Variants in GALNT18 observed in about 807,000 individuals in gnomAD.
GALNT18 encodes GalNAc-transferase 18.
In GALNT18, 44 loss-of-function variants were observed where a neutral mutation model predicts 69.5. The observed-to-expected ratio is 0.63, with a 90% CI of 0.50 to 0.81. The LOEUF is 0.81. Among genes scored for constraint, GALNT18 ranks in the 40% least tolerant of loss-of-function variants. GALNT18 has a pLI of 0.00. For synonymous variants in GALNT18, 364 were observed against 318.2 expected (o/e 1.14, Z -1.53); for missense variants, 715 against 810.0 (o/e 0.88, Z 1.42).
rs1211285052 is a variant in GALNT18 at position 11,463,826 on chromosome 11, GAAA to G, written c.236-14893_236-14891del. On this transcript the variant is annotated intron_variant, in intron 1 of 10. Coordinates refer to ENST00000227756, the MANE Select transcript of GALNT18 (RefSeq NM_198516.3). This position sits in a 1 kb window ranked among gnomAD's most constrained non-coding sequence, Gnocchi z 4.2. ...AAAATATTTATCACATGAAAGATGT[GAAA>G]CCTTTATGCTGTCTCGACGCTCTGT... Among the ~76,000 whole-genome samples, 4 of 152,174 alleles carry G rather than the reference GAAA, an allele frequency of 2.6e-5. No homozygotes were observed. Among genetic ancestry groups the G allele is most frequent in the African/African-American group, 9.7e-5 (4 of 41,448 alleles).
chr11:11,560,127 GATGGGATAGA>G (rs1858449816), intron 1 of GALNT18, among the ~76,000 whole-genome samples: 1 of 151,136 alleles, frequency 6.6e-6, no homozygotes, highest in African/African-American at 2.4e-5. Context: ...AATGGGATGG[GATGGGATAGA>G]ATAGAATGGG....
chr11:11,491,811 C>T (rs554747568), intron 1 of GALNT18, among the ~76,000 whole-genome samples: 10 of 152,170 alleles, frequency 6.6e-5, no homozygotes, highest in South Asian at 4.1e-4. Context: ...CACAGAGGTG[C>T]GGACGGGGAC....
intron 3 of GALNT18, among the ~76,000 whole-genome samples, chr11:11,414,185 G>C (rs188571310): frequency 2.6e-5 from 4 of 152,220 alleles, no homozygotes; most frequent in African/African-American, 9.6e-5. Flanking sequence ...CAGCCTCCCA[G>C]ATGATTTTCC....
At chr11:11,560,592 C>A (rs965746539) in intron 1 of GALNT18, among the ~76,000 whole-genome samples, 5 of 152,206 alleles carry the variant, frequency 3.3e-5, no homozygotes, top group Non-Finnish European at 4.4e-5. Flanking sequence ...TGGAAGGGCG[C>A]TGTCCCCACA....
At chr11:11,520,777 C>A (rs529189315) in intron 1 of GALNT18, among the ~76,000 whole-genome samples, 2 of 152,198 alleles carry the variant, frequency 1.3e-5, no homozygotes, top group Non-Finnish European at 2.9e-5. Context: ...GGAACCCCTT[C>A]CTGGTCAGGC....
In GALNT18 at chr11:11,315,667, C is replaced by A. The variant is rs1034260073; in HGVS notation, c.1512+11419G>T. 6.6e-6 allele frequency among the ~76,000 whole-genome samples: 1 copy of A among 152,186 alleles called. No individual in the cohort carries two copies. Among genetic ancestry groups the A allele is most frequent in the Non-Finnish European group, 1.5e-5 (1 of 68,040 alleles). On this transcript the variant is annotated intron_variant, in intron 9 of 10. Coordinates refer to ENST00000227756, the MANE Select transcript of GALNT18 (RefSeq NM_198516.3). This position sits in a 1 kb window ranked among gnomAD's most constrained non-coding sequence, Gnocchi z 5.6. ...ATCATGGCATACAGGCCATCACATCCCTCACAATCATTCAGTGATGTGCAA... is the reference window on the plus strand; with the variant it reads ...ATCATGGCATACAGGCCATCACATCACTCACAATCATTCAGTGATGTGCAA...
At chr11:11,390,305 ATTC>A (rs996319760) in intron 3 of GALNT18, among the ~76,000 whole-genome samples, 3 of 152,144 alleles carry the variant, frequency 2.0e-5, no homozygotes, top group Non-Finnish European at 4.4e-5. Context: ...CACCTGGAAC[ATTC>A]TTCTCGCCTC....
At chr11:11,386,542 A>G (rs1403841264) in intron 3 of GALNT18, among the ~76,000 whole-genome samples, 1 of 152,216 alleles carries the variant, frequency 6.6e-6, no homozygotes, top group Non-Finnish European at 1.5e-5. Flanking sequence ...ATGTGTATGG[A>G]TGTGTGTTTG....
chr11:11,313,458 G>T (rs980503997), intron 9 of GALNT18, among the ~76,000 whole-genome samples: 2 of 152,168 alleles, frequency 1.3e-5, no homozygotes, highest in African/African-American at 4.8e-5. Context: ...GTATGCCTGG[G>T]TAGTTGACTA....
At chr11:11,597,724 G>T (rs112180481) in intron 1 of GALNT18, among the ~76,000 whole-genome samples, 2 of 150,018 alleles carry the variant, frequency 1.3e-5, no homozygotes, top group Admixed American at 1.3e-4. Flanking sequence ...GCAGTGGAGC[G>T]ATCTGGGCTC....
At chr11:11,304,810 G>C (rs1849552791) in intron 9 of GALNT18, among the ~76,000 whole-genome samples, 1 of 152,202 alleles carries the variant, frequency 6.6e-6, no homozygotes, top group South Asian at 2.1e-4. Context: ...GAGCAATCAT[G>C]TGATACACTG....
intron 8 of GALNT18, among the ~76,000 whole-genome samples, chr11:11,328,801 G>A (rs1053431259): frequency 2.6e-5 from 4 of 152,224 alleles, no homozygotes; most frequent in Non-Finnish European, 4.4e-5. Flanking sequence ...TGAAGAGGTG[G>A]GTGTCATATC....
At chr11:11,544,513 A>G (rs1057371146) in intron 1 of GALNT18, among the ~76,000 whole-genome samples, 4 of 152,226 alleles carry the variant, frequency 2.6e-5, no homozygotes, top group Non-Finnish European at 5.9e-5. Context: ...GCACACAGAC[A>G]TGACTCCTGC....
chr11:11,385,869 G>C (rs1854044601), intron 3 of GALNT18, among the ~76,000 whole-genome samples: 1 of 152,134 alleles, frequency 6.6e-6, no homozygotes, highest in Non-Finnish European at 1.5e-5. Flanking sequence ...GATCATACTG[G>C]AGTGGGATAG....
In GALNT18 at chr11:11,404,859, C is replaced by T. The variant is rs1038076495; in HGVS notation, c.596-25595G>A. On this transcript the variant is annotated intron_variant, in intron 3 of 10. Coordinates refer to ENST00000227756, the MANE Select transcript of GALNT18 (RefSeq NM_198516.3). The surrounding 1 kb of genome is among the most constrained non-coding windows in gnomAD (Gnocchi z 4.5). Reference sequence around the variant, plus strand: ...TGAACATGCCCCAGCCACACCTAACCCAGACCTCAGCAGACCCGGACTCCA... The same window carrying T: ...TGAACATGCCCCAGCCACACCTAACTCAGACCTCAGCAGACCCGGACTCCA... Among the ~76,000 whole-genome samples, 5 of 152,186 alleles carry T rather than the reference C, an allele frequency of 3.3e-5. No individual in the cohort carries two copies. Among genetic ancestry groups the T allele is most frequent in the African/African-American group, 1.2e-4 (5 of 41,442 alleles).
At chr11:11,326,822 T>A (rs1213861738) in intron 9 of GALNT18, among the ~76,000 whole-genome samples, 1 of 152,200 alleles carries the variant, frequency 6.6e-6, no homozygotes, top group Non-Finnish European at 1.5e-5. Context: ...TCTTTAGAAG[T>A]GTAACCCCTT....
intron 3 of GALNT18, among the ~76,000 whole-genome samples, chr11:11,427,337 C>T (rs1730753649): frequency 6.6e-6 from 1 of 152,120 alleles, no homozygotes; most frequent in South Asian, 2.1e-4. Context: ...GTTCCTTTGC[C>T]CTGTTCCTCA....
chr11:11,272,514 C>A (rs1270796450), intron 10 of GALNT18, among the ~76,000 whole-genome samples: 1 of 152,208 alleles, frequency 6.6e-6, no homozygotes, highest in Non-Finnish European at 1.5e-5. Context: ...GCCTTTCTAG[C>A]CTCATCTCTG....
At chr11:11,506,807 T>A (rs1402044256) in intron 1 of GALNT18, among the ~76,000 whole-genome samples, 1 of 152,150 alleles carries the variant, frequency 6.6e-6, no homozygotes, top group Non-Finnish European at 1.5e-5. Context: ...AGCCCTGGTA[T>A]CCTGGAAAAT....
Sources: gnomAD v4.1 joint callset for allele counts (sites outside exome capture counted in the v4.1 genomes callset) on GRCh38, gnomAD v4.1.1 for gene constraint, Gnocchi (gnomAD v3.1) non-coding constraint, MANE v1.5 for transcripts, NCBI Gene and HGNC (gene_info 2026-07-23, HGNC 2026-07-21) for gene names.